Variants in CEP192 observed in about 807,000 individuals in gnomAD.
CEP192 encodes centrosomal protein 192, also known as centrosomal protein of 192 kDa.
CEP192 carries 151 observed loss-of-function variants against 271.8 expected under a neutral mutation model. That is an observed-to-expected ratio of 0.56 (90% CI 0.49 to 0.64). The LOEUF (loss-of-function observed/expected upper bound fraction) is 0.64, where lower values mean the gene tolerates loss of function less well. Ranked by LOEUF, CEP192 falls within the 30% of genes least tolerant of loss-of-function variation. CEP192 has a pLI of 0.00. For missense variants in CEP192, 2,910 were observed against 3,020.5 expected, an observed-to-expected ratio of 0.96 and a Z score of 0.86; for synonymous variants, 995 against 1,076.5, an observed-to-expected ratio of 0.92 and a Z score of 1.48.
chr18:13,099,597 G>A lies in CEP192; in HGVS notation c.6663+16G>A, dbSNP rs779584460. The stretch of plus-strand genomic sequence containing the variant: ...TGGACAGAAGGTACTTTTAAAAGTG[G>A]TTTGGTTTTTTTTTTGAGTGACAAT... On this transcript the variant is annotated intron_variant, in intron 37 of 44. Transcript: ENST00000506447. 26 of 1,385,000 alleles carry A rather than the reference G, an allele frequency of 1.9e-5. No homozygotes were observed. In the East Asian group the frequency reaches 5.9e-4, roughly 31 times the overall value. 85.8% of individuals were successfully genotyped at this position (1,385,000 alleles called of 1,614,324 possible).
intron 4 of CEP192, among the ~76,000 whole-genome samples, chr18:13,011,635 G>C (rs1389949699): frequency 6.6e-6 from 1 of 152,074 alleles, no homozygotes; most frequent in Admixed American, 6.5e-5. Context: ...TCCTGCCTCA[G>C]CCTCGCAAGT....
In CEP192 at chr18:13,116,386, T is replaced by C. The variant is rs771300537; in HGVS notation, c.7299T>C (p.Asp2433=). ...EASARIPEQL[D]VTARGVYAPE... ...CCTATTCCCAAAGCAGGCAGCTTGA[T>C]GTGACTGCTCGTGGAGTTTATGCCC... Residue 2433 remains aspartate, a synonymous_variant, in exon 43 of 45, where the codon GAT becomes GAC. Transcript: ENST00000506447. 2.5e-6 allele frequency: 4 copies of C among 1,612,252 alleles called. No homozygotes were observed. The South Asian group carries it at 4.4e-5, about 18-fold the overall frequency.
At chr18:13,087,329 A>G in intron 31 of CEP192, 52 bp downstream of exon 31, 1 of 1,454,018 alleles carries the variant, frequency 6.9e-7, no homozygotes. Context: ...TAAAATTGTT[A>G]ATAATTATGT....
intron 7 of CEP192, 89 bp from the exon 8 acceptor site, chr18:13,018,391 T>C (rs2034784661): frequency 2.7e-6 from 2 of 749,420 alleles, no homozygotes; most frequent in South Asian, 2.7e-5. Context: ...ACTTATTTTC[T>C]GGCATCCTTC....
chr18:13,102,328 CG>C (rs1328295565), intron 38 of CEP192, among the ~76,000 whole-genome samples: 5 of 152,182 alleles, frequency 3.3e-5, no homozygotes, highest in Non-Finnish European at 5.9e-5. Flanking sequence ...TCTCGCCTCT[CG>C]GGGGGCTTCC....
chr18:13,032,954 G>A (rs2035718128), intron 11 of CEP192, among the ~76,000 whole-genome samples: 1 of 152,218 alleles, frequency 6.6e-6, no homozygotes, highest in Non-Finnish European at 1.5e-5. Context: ...TTTGTATACA[G>A]CTGGGCAATG....
Position 13,124,612 on chromosome 18 carries a change from A to G in CEP192, c.7476-20A>G. 1 of 1,602,772 alleles carries G rather than the reference A, an allele frequency of 6.2e-7. No homozygotes were observed. The highest frequency in any genetic ancestry group is 8.5e-7 in the Non-Finnish European group (1 of 1,171,142). On this transcript the variant is annotated intron_variant, in intron 44 of 44. Coordinates refer to ENST00000506447, the MANE Select transcript of CEP192 (RefSeq NM_032142.4). The stretch of plus-strand genomic sequence containing the variant: ...GGTGCTGTCATGACATGCTGCTGTC[A>G]TGTGCCTCTCTCTTTCCAGAGCCCA...
chr18:12,997,294 AAAGTCTGAGCCCTGAAC>A (rs916405407), intron 1 of CEP192, among the ~76,000 whole-genome samples: 5 of 152,208 alleles, frequency 3.3e-5, no homozygotes, highest in Admixed American at 2.0e-4. Flanking sequence ...TAACATCCAA[AAAGTCTGAGCCCTGAAC>A]AAGTCTGAGC....
At chr18:13,041,592 T>G (rs2036208235) in intron 14 of CEP192, among the ~76,000 whole-genome samples, 1 of 151,752 alleles carries the variant, frequency 6.6e-6, no homozygotes, top group African/African-American at 2.4e-5. Flanking sequence ...TTTTTTTTTT[T>G]TTTGAGACAG....
chr18:13,086,690 T>A (rs2038912726), intron 30 of CEP192, among the ~76,000 whole-genome samples: 1 of 152,022 alleles, frequency 6.6e-6, no homozygotes, highest in Non-Finnish European at 1.5e-5. Flanking sequence ...TAAAAATATG[T>A]GAATATTTTA....
intron 38 of CEP192, among the ~76,000 whole-genome samples, chr18:13,101,170 A>G (rs1239328599): frequency 1.3e-5 from 2 of 152,224 alleles, no homozygotes; most frequent in East Asian, 1.9e-4. Context: ...GTCAGCCGCA[A>G]TCACAAGGGT....
chr18:13,114,616 TCA>T (rs1376144209), intron 42 of CEP192, among the ~76,000 whole-genome samples: 1 of 152,246 alleles, frequency 6.6e-6, no homozygotes, highest in Non-Finnish European at 1.5e-5. Context: ...AATGAACGTA[TCA>T]CAGTTTATTC....
intron 15 of CEP192, among the ~76,000 whole-genome samples, chr18:13,045,154 A>C (rs973830204): frequency 1.3e-5 from 2 of 152,104 alleles, no homozygotes; most frequent in Admixed American, 6.5e-5. Context: ...ATCTCACCAG[A>C]TACTTTCAAT....
chr18:13,083,121 G>T (rs2038711878), intron 30 of CEP192, among the ~76,000 whole-genome samples: 2 of 152,176 alleles, frequency 1.3e-5, no homozygotes, highest in Non-Finnish European at 2.9e-5. Flanking sequence ...TTCTCGAGGA[G>T]TATCTTTGTG....
intron 1 of CEP192, among the ~76,000 whole-genome samples, chr18:12,993,211 G>C (rs776498224): frequency 3.9e-5 from 6 of 152,200 alleles, no homozygotes; most frequent in Non-Finnish European, 8.8e-5. Flanking sequence ...TGTATTGCCA[G>C]TTAATAGGGA....
At position 13,049,219 on chromosome 18, in the gene CEP192, G is replaced by C; in HGVS notation, c.2428G>C (p.Asp810His). Residue 810 changes from aspartate (D) to histidine (H), a missense_variant, in exon 16 of 45, where the codon GAT becomes CAT. By Grantham distance (81) the Asp-to-His change is moderately conservative. Transcript: ENST00000506447. ...FSRASMSDTWDLSLPKEQTTQ... is the reference protein window; with the variant it reads ...FSRASMSDTWHLSLPKEQTTQ... Reference sequence around the variant, plus strand: ...AAGGGCTAGTATGTCTGATACTTGGGATTTATCTTTGCCCAAAGAACAAAC... The same window carrying C: ...AAGGGCTAGTATGTCTGATACTTGGCATTTATCTTTGCCCAAAGAACAAAC... 1 of 1,614,046 alleles carries C rather than the reference G, an allele frequency of 6.2e-7. No homozygotes were observed. Among genetic ancestry groups the C allele is most frequent in the Non-Finnish European group, 8.5e-7 (1 of 1,180,020 alleles).
In CEP192 at chr18:13,029,641, A is replaced by G. The variant is rs1332676997; in HGVS notation, c.1051-22A>G. ...AAGACTTACTGTTGCTCTGTTAAAA[A>G]ATCTGATTTTTTGTTTTAAAGGAAT... On this transcript the variant is annotated intron_variant, in intron 9 of 44. Transcript: ENST00000506447. 13 of 1,422,456 alleles carry G rather than the reference A, an allele frequency of 9.1e-6. 1 individual carries two copies. In the South Asian group the frequency reaches 1.5e-4, roughly 16 times the overall value. The allele number at this position is 1,422,456 out of a possible 1,614,324, so 88.1% of individuals were successfully genotyped here.
chr18:13,052,998 T>C lies in CEP192; in HGVS notation c.3097T>C (p.Ser1033Pro). 1.2e-6 allele frequency: 2 copies of C among 1,614,032 alleles called. No homozygotes were observed. Among genetic ancestry groups the C allele is most frequent in the Non-Finnish European group, 1.7e-6 (2 of 1,179,922 alleles). ...CEQELSPLVC[S>P]PAGVSRLTYV... ...GCAGGAGTTGTCTCCCTTGGTGTGCTCGCCTGCTGGGGTGAGCAGGCTGAC... is the reference window on the plus strand; with the variant it reads ...GCAGGAGTTGTCTCCCTTGGTGTGCCCGCCTGCTGGGGTGAGCAGGCTGAC... Residue 1033 changes from serine to proline, a missense_variant, in exon 18 of 45, where the codon TCG becomes CCG. Coordinates refer to ENST00000506447, the MANE Select transcript of CEP192 (RefSeq NM_032142.4).
chr18:13,084,070 C>T (rs1247368743), intron 30 of CEP192, among the ~76,000 whole-genome samples: 14 of 152,178 alleles, frequency 9.2e-5, no homozygotes, highest in Admixed American at 4.6e-4. Context: ...CTAGGCTACA[C>T]GGGGGTCAGG....
Sources: gnomAD v4.1 joint callset for allele counts (sites outside exome capture counted in the v4.1 genomes callset) on GRCh38, gnomAD v4.1.1 for gene constraint, MANE v1.5 for transcripts, NCBI Gene and HGNC (gene_info 2026-07-23, HGNC 2026-07-21) for gene names.